Variants in HS3ST4 observed in about 807,000 individuals in gnomAD.
HS3ST4 encodes the protein heparan sulfate-glucosamine 3-sulfotransferase 4, also known as heparan sulfate glucosamine 3-O-sulfotransferase 4.
In HS3ST4, 17 loss-of-function variants were observed where a neutral mutation model predicts 29.2. That is an observed-to-expected ratio of 0.58 (90% CI 0.40 to 0.87). The LOEUF (loss-of-function observed/expected upper bound fraction) is 0.87, where lower values mean the gene tolerates loss of function less well. HS3ST4 is among the 40% of genes least tolerant of loss of function. HS3ST4 has a pLI of 0.00. For synonymous variants in HS3ST4, 314 were observed against 285.7 expected, an observed-to-expected ratio of 1.10 and a Z score of -1.00; for missense variants, 627 against 634.5, an observed-to-expected ratio of 0.99 and a Z score of 0.13.
At chr16:26,062,192 A>G (rs1379420755) in intron 1 of HS3ST4, among the ~76,000 whole-genome samples, 1 of 152,204 alleles carries the variant, frequency 6.6e-6, no homozygotes, top group Non-Finnish European at 1.5e-5. Flanking sequence ...CCCAAGTCCA[A>G]ATTCAACCCA....
At chr16:26,118,189 C>T (rs1899224308) in intron 1 of HS3ST4, among the ~76,000 whole-genome samples, 2 of 152,158 alleles carry the variant, frequency 1.3e-5, no homozygotes, top group Admixed American at 1.3e-4. Context: ...CCTTAGCCTC[C>T]TGAGTAGCTG....
intron 1 of HS3ST4, chr16:25,826,476 G>A (rs1331941615): frequency 6.6e-6 from 1 of 152,172 alleles, no homozygotes; most frequent in African/African-American, 2.4e-5. Flanking sequence ...TCCCCCTGGT[G>A]GGTCTAGTGA....
chr16:26,021,958 A>C (rs930365201), intron 1 of HS3ST4, among the ~76,000 whole-genome samples: 2 of 151,796 alleles, frequency 1.3e-5, no homozygotes, highest in African/African-American at 2.4e-5. Context: ...CATCACACCC[A>C]GCCTACTATT....
intron 1 of HS3ST4, among the ~76,000 whole-genome samples, chr16:26,105,627 A>G (rs948064013): frequency 6.6e-6 from 1 of 152,044 alleles, no homozygotes; most frequent in African/African-American, 2.4e-5. Context: ...GACCTGCAGG[A>G]CTCTTCTGCC....
At chr16:26,073,608 A>G (rs1055825814) in intron 1 of HS3ST4, among the ~76,000 whole-genome samples, 7 of 152,178 alleles carry the variant, frequency 4.6e-5, no homozygotes, top group Non-Finnish European at 1.0e-4. Flanking sequence ...CCTGGGCTCA[A>G]GTGATCCTCC....
Position 25,782,488 on chromosome 16 carries a change from T to C in HS3ST4, c.734+89337T>C, listed in dbSNP as rs183878806. ...GCTCATGCTTGCATTTTTTCCACCA[T>C]TGGATTTTAGCCGTATGGTTCAGAA... On this transcript the variant is annotated intron_variant, in intron 1 of 1. Transcript: ENST00000331351. Among the ~76,000 whole-genome samples the C allele has an allele frequency of 3.3e-5, 5 of 152,328 alleles. No individual in the cohort carries two copies. The East Asian group carries it at 9.6e-4, about 29-fold the overall frequency.
At chr16:25,848,884 C>T (rs1323906556) in intron 1 of HS3ST4, among the ~76,000 whole-genome samples, 1 of 151,822 alleles carries the variant, frequency 6.6e-6, no homozygotes, top group African/African-American at 2.4e-5. Context: ...TATTTTCAGT[C>T]TTCCTTGTTT....
chr16:26,082,947 G>A (rs1898741726), intron 1 of HS3ST4, among the ~76,000 whole-genome samples: 1 of 152,234 alleles, frequency 6.6e-6, no homozygotes, highest in Admixed American at 6.5e-5. Flanking sequence ...TCTAACACAA[G>A]CATCCATCAC....
intron 1 of HS3ST4, among the ~76,000 whole-genome samples, chr16:25,809,994 G>T (rs575087745): frequency 5.3e-5 from 8 of 151,804 alleles, no homozygotes; most frequent in African/African-American, 1.9e-4. Context: ...ACTCATTAGT[G>T]TTTCTTCTGC....
chr16:25,906,507 G>A (rs779401532), intron 1 of HS3ST4, among the ~76,000 whole-genome samples: 8 of 152,100 alleles, frequency 5.3e-5, no homozygotes, highest in Non-Finnish European at 1.0e-4. Flanking sequence ...CCATGAGAAA[G>A]TCCCTGCCCT....
intron 1 of HS3ST4, among the ~76,000 whole-genome samples, chr16:25,763,666 G>A (rs199523805): frequency 1.3e-5 from 2 of 152,140 alleles, no homozygotes; most frequent in East Asian, 1.9e-4. Context: ...ATATGTGCGG[G>A]GCTCTGGAGC....
chr16:25,805,856 G>A (rs934672467), intron 1 of HS3ST4, among the ~76,000 whole-genome samples: 1 of 151,986 alleles, frequency 6.6e-6, no homozygotes, highest in East Asian at 1.9e-4. Context: ...CCTCCCCTCA[G>A]GACCCCACTC....
chr16:26,019,518 G>A (rs1969391803), intron 1 of HS3ST4, among the ~76,000 whole-genome samples: 3 of 152,242 alleles, frequency 2.0e-5, no homozygotes, highest in Admixed American at 2.0e-4. Context: ...ATCAGAGTAA[G>A]AGGGCTGGCT....
chr16:26,087,224 C>T (rs1270575336), intron 1 of HS3ST4, among the ~76,000 whole-genome samples: 1 of 152,216 alleles, frequency 6.6e-6, no homozygotes, highest in African/African-American at 2.4e-5. Context: ...AGACACATCA[C>T]TGGCCATGCA....
intron 1 of HS3ST4, among the ~76,000 whole-genome samples, chr16:25,722,177 A>G (rs538831257): frequency 6.6e-6 from 1 of 152,260 alleles, no homozygotes; most frequent in South Asian, 2.1e-4. Flanking sequence ...AAACTACTCA[A>G]TTAATTCTGT....
At chr16:25,861,407 C>T (rs1269920192) in intron 1 of HS3ST4, among the ~76,000 whole-genome samples, 1 of 152,174 alleles carries the variant, frequency 6.6e-6, no homozygotes, top group Admixed American at 6.5e-5. Context: ...CTAATTAGAG[C>T]CAATCCTGTT....
In HS3ST4 at chr16:25,941,513, ACTT is replaced by A. The variant is rs201333150; in HGVS notation, c.735-194095_735-194093del. Reference sequence around the variant, plus strand: ...CCCAGACTTGCATTGTTATTTGTGAACTTCTTTATTTTCTTTTTGTTTTTTTGT... The same window carrying A: ...CCCAGACTTGCATTGTTATTTGTGAACTTTATTTTCTTTTTGTTTTTTTGT... On this transcript the variant is annotated intron_variant, in intron 1 of 1. Transcript: ENST00000331351. Among the ~76,000 whole-genome samples the A allele has an allele frequency of 1.2e-3, 175 of 149,768 alleles. 3 individuals are homozygous for A. The East Asian group carries it at 0.034, about 29-fold the overall frequency.
intron 1 of HS3ST4, among the ~76,000 whole-genome samples, chr16:25,875,070 A>T (rs1385738057): frequency 1.3e-5 from 2 of 152,170 alleles, no homozygotes; most frequent in African/African-American, 4.8e-5. Flanking sequence ...AATAAATGGG[A>T]TACAATGTTG....
chr16:25,862,878 C>A (rs1967653084), intron 1 of HS3ST4, among the ~76,000 whole-genome samples: 1 of 152,210 alleles, frequency 6.6e-6, no homozygotes, highest in South Asian at 2.1e-4. Context: ...GTGTTTCCCC[C>A]AGTTTTAGCC....
Sources: allele counts gnomAD v4.1 joint callset (sites outside exome capture counted in the v4.1 genomes callset), GRCh38; gene constraint gnomAD v4.1.1; transcripts MANE v1.5; gene names NCBI Gene and HGNC (gene_info 2026-07-23, HGNC 2026-07-21).